Variants in ANKFY1 observed in about 807,000 individuals in gnomAD.
ANKFY1 encodes ankyrin repeat and FYVE domain-containing protein 1.
Under a neutral mutation model 128.3 loss-of-function variants are expected in ANKFY1, and 47 were observed. The observed-to-expected ratio is 0.37, with a 90% CI of 0.29 to 0.47. The LOEUF is 0.47. ANKFY1 is among the 20% of genes least tolerant of loss of function. The pLI is 1.00. For synonymous variants in ANKFY1, 553 were observed against 601.6 expected, an observed-to-expected ratio of 0.92 and a Z score of 1.18; for missense variants, 1,222 against 1,510.6, an observed-to-expected ratio of 0.81 and a Z score of 3.17.
chr17:4,192,745 C>T (rs947130907), intron 10 of ANKFY1, among the ~76,000 whole-genome samples: 1 of 152,108 alleles, frequency 6.6e-6, no homozygotes, highest in African/African-American at 2.4e-5. Context: ...ATCACTAAAC[C>T]GTTAAAAGCG....
At chr17:4,229,002 G>A (rs761978030) in intron 3 of ANKFY1, among the ~76,000 whole-genome samples, 2 of 152,072 alleles carry the variant, frequency 1.3e-5, no homozygotes, top group Non-Finnish European at 2.9e-5. Flanking sequence ...CATAGTAACT[G>A]CTATGTAAAA....
chr17:4,263,772 G>T, intron 1 of ANKFY1, 160 bp downstream of exon 1: 1 of 1,557,986 alleles, frequency 6.4e-7, no homozygotes. Context: ...TCCGGACCCC[G>T]GCCCGAGAAG....
chr17:4,217,638 G>A (rs9908377), intron 3 of ANKFY1, among the ~76,000 whole-genome samples: 47,574 of 151,972 alleles, frequency 0.31, 8,162 homozygotes, highest in Admixed American at 0.39. Flanking sequence ...AAGATATGTC[G>A]AATAAATTGG....
rs191251156 is a variant in ANKFY1, at chr17:4,249,133, T to C, written c.11-6685A>G. The C allele has an allele frequency of 1.7e-4, 164 of 985,248 alleles. No homozygotes were observed. In the African/African-American group the frequency reaches 2.7e-3, roughly 16 times the overall value. 61.0% of individuals were successfully genotyped at this position (985,248 alleles called of 1,614,324 possible). A position where few individuals can be genotyped will look rare whatever the true frequency, so the allele number is the denominator to read the frequency against. Reference sequence around the variant, plus strand: ...GCACAGTCAGAAGAGAAACCAAGAATGATTTTTAGAACACTCTTCCTTCTA... The same window carrying C: ...GCACAGTCAGAAGAGAAACCAAGAACGATTTTTAGAACACTCTTCCTTCTA... On this transcript the variant is annotated intron_variant, in intron 1 of 24. Transcript: ENST00000341657.
Position 4,182,298 on chromosome 17 carries a change from T to C in ANKFY1, c.2004A>G (p.Pro668=), listed in dbSNP as rs749708545. ...GGGTGCATATGGCATCAACTACGAG[T>C]GGAAGCTGGTTTCTGATGGCCAGCT... The part of the protein sequence containing the change: ...ALQLAIRNQL[P]LVVDAICTRG... Residue 668 remains proline (P), a synonymous_variant, in exon 15 of 25, where the codon CCA becomes CCG. Transcript: ENST00000341657. 3.8e-6 allele frequency: 6 copies of C among 1,591,974 alleles called. No homozygotes were observed. In the Admixed American group the frequency reaches 5.2e-5, roughly 14 times the overall value.
At chr17:4,262,565 AC>A (rs897341772) in intron 1 of ANKFY1, among the ~76,000 whole-genome samples, 3 of 151,898 alleles carry the variant, frequency 2.0e-5, no homozygotes, top group Admixed American at 6.6e-5. Context: ...CGGGGCCAAG[AC>A]CTTGTCTACA....
chr17:4,178,594 A>G lies in ANKFY1; in HGVS notation c.2598+263T>C, dbSNP rs991613739. 6 of 530,574 alleles carry G rather than the reference A, an allele frequency of 1.1e-5. No homozygotes were observed. The Admixed American group carries it at 1.9e-4, about 17-fold the overall frequency. 32.9% of individuals were successfully genotyped at this position (530,574 alleles called of 1,614,324 possible). On this transcript the variant is annotated intron_variant, in intron 18 of 24. Coordinates refer to ENST00000341657, the MANE Select transcript of ANKFY1 (RefSeq NM_001330063.2). This position sits in a 1 kb window ranked among gnomAD's most constrained non-coding sequence, Gnocchi z 4.1. ...AAGCAAAGAATGAGCTCAACTGTAC[A>G]TGCCACAGAATTCCTACGATGGAGC...
chr17:4,242,272 C>A lies in ANKFY1; in HGVS notation c.187G>T (p.Glu63Ter). 6.3e-7 allele frequency: 1 copy of A among 1,585,506 alleles called. No individual in the cohort carries two copies. The highest frequency in any genetic ancestry group is 1.2e-5 in the South Asian group (1 of 86,820). ...RLLAIVADLY[E>*]QEQYSDLKIK... ...CTCTCCCACCTGTACTGCTCCTGCT[C>A]GTAGAGGTCTGCCACGATGGCCAGC... Residue 63 changes from glutamate to a stop codon, truncating the protein, a stop_gained, in exon 2 of 25, where the codon GAG becomes TAG. Coordinates refer to ENST00000341657, the MANE Select transcript of ANKFY1 (RefSeq NM_001330063.2). LOFTEE classifies it high-confidence loss of function.
intron 3 of ANKFY1, chr17:4,222,559 G>T (rs542024014): frequency 7.9e-7 from 1 of 1,257,876 alleles, no homozygotes; most frequent in Non-Finnish European, 1.2e-6. Context: ...TTCCTGTACT[G>T]GCAAAGTAGA....
At chr17:4,175,661 G>A (rs754723650) in intron 19 of ANKFY1, among the ~76,000 whole-genome samples, 4 of 152,114 alleles carry the variant, frequency 2.6e-5, no homozygotes, top group Non-Finnish European at 4.4e-5. Flanking sequence ...AACTCTGGGC[G>A]CCCAGTCTAA....
At chr17:4,258,179 A>C (rs2143564123) in intron 1 of ANKFY1, among the ~76,000 whole-genome samples, 1 of 152,340 alleles carries the variant, frequency 6.6e-6, no homozygotes, top group Admixed American at 6.5e-5. Flanking sequence ...ACTATATATA[A>C]TTATCAATGA....
rs8078519 is a variant in ANKFY1, at chr17:4,214,597, C to T, written c.458+2386G>A. On this transcript the variant is annotated intron_variant, in intron 4 of 24. Transcript: ENST00000341657. ...CTGGAGCAACAAGGCTCAATCCAGG[C>T]TCACCACAACCTCCACCTCCCAGGT... Among the ~76,000 whole-genome samples, 3 of 150,222 alleles carry T rather than the reference C, an allele frequency of 2.0e-5. No individual in the cohort carries two copies. In the East Asian group the frequency reaches 5.9e-4, roughly 30 times the overall value.
At chr17:4,249,036 C>G (rs1245104270) in intron 1 of ANKFY1, 3 of 695,520 alleles carry the variant, frequency 4.3e-6, no homozygotes, top group Non-Finnish European at 5.3e-6. Flanking sequence ...TACAAATAGC[C>G]TAAAATAAAG....
At chr17:4,195,347 C>T in intron 9 of ANKFY1, 56 bp downstream of exon 9, 6 of 1,549,796 alleles carry the variant, frequency 3.9e-6, no homozygotes, top group Non-Finnish European at 5.3e-6. Context: ...AATGATTTTT[C>T]ACTCACAATC....
At chr17:4,213,412 T>A (rs2060170136) in intron 4 of ANKFY1, among the ~76,000 whole-genome samples, 1 of 152,120 alleles carries the variant, frequency 6.6e-6, no homozygotes, top group Non-Finnish European at 1.5e-5. Context: ...GTGCTTTGTT[T>A]TTAATTAACA....
Position 4,182,268 on chromosome 17 carries a change from T to C in ANKFY1, c.2034A>G (p.Gly678=). 6.3e-7 allele frequency: 1 copy of C among 1,595,260 alleles called. No homozygotes were observed. Among genetic ancestry groups the C allele is most frequent in the South Asian group, 1.2e-5 (1 of 85,830 alleles). ...TCTCATCTGGCACAGACATGTCAGC[T>C]CCTCGGGTGCATATGGCATCAACTA... ...PLVVDAICTR[G]ADMSVPDEKG... Residue 678 remains glycine (G), a synonymous_variant, in exon 15 of 25, where the codon GGA becomes GGG. Coordinates refer to ENST00000341657, the MANE Select transcript of ANKFY1 (RefSeq NM_001330063.2).
At chr17:4,229,780 C>T (rs549453647) in intron 3 of ANKFY1, among the ~76,000 whole-genome samples, 13 of 152,182 alleles carry the variant, frequency 8.5e-5, no homozygotes, top group Non-Finnish European at 1.2e-4. Context: ...ATGACATGGC[C>T]GCTAACGTTC....
intron 3 of ANKFY1, 143 bp downstream of exon 3, chr17:4,235,629 A>G (rs1391527424): frequency 4.5e-6 from 3 of 663,370 alleles, no homozygotes; most frequent in Non-Finnish European, 8.1e-6. Flanking sequence ...TTCATTAATT[A>G]TTTAACTAGT....
chr17:4,216,818 A>G (rs763108968), intron 4 of ANKFY1, 165 bp downstream of exon 4: 44 of 933,820 alleles, frequency 4.7e-5, no homozygotes, highest in East Asian at 7.9e-5. Context: ...TAGCTACAAG[A>G]TAACACAAAG....
Sources: allele counts gnomAD v4.1 joint callset (sites outside exome capture counted in the v4.1 genomes callset), GRCh38; gene constraint gnomAD v4.1.1; non-coding constraint Gnocchi (gnomAD v3.1); transcripts MANE v1.5; gene names NCBI Gene and HGNC (gene_info 2026-07-23, HGNC 2026-07-21).